Variants in METTL8 observed in about 807,000 individuals in gnomAD.
The protein encoded by METTL8 is methyltransferase 8, tRNA N3-cytidine.
In METTL8, 32 loss-of-function variants were observed where a neutral mutation model predicts 48.7. The ratio of observed to expected loss-of-function variants is 0.66; its 90% CI spans 0.50 to 0.88. METTL8 has a LOEUF of 0.88. METTL8 is among the 40% of genes least tolerant of loss of function. METTL8 has a pLI of 0.00. For missense variants in METTL8, 464 were observed against 474.4 expected (o/e 0.98, Z 0.20); for synonymous variants, 136 against 157.1 (o/e 0.87, Z 1.01).
upstream of METTL8, chr2:171,434,199 C>A: frequency 2.5e-6 from 1 of 397,426 alleles, no homozygotes; most frequent in Non-Finnish European, 5.1e-6. Flanking sequence ...TCGCTCCCCG[C>A]CGCCTGACGG....
At chr2:171,329,997 G>A (rs1298943102) in intron 7 of METTL8, among the ~76,000 whole-genome samples, 1 of 152,178 alleles carries the variant, frequency 6.6e-6, no homozygotes, top group Non-Finnish European at 1.5e-5. Flanking sequence ...TTAAAACACT[G>A]TATGAAACTA....
rs1247994696 is a variant in METTL8 at position 171,316,349 on chromosome 2, A to G, written c.*7823T>C. Among the ~76,000 whole-genome samples, 1 of 152,226 alleles carries G rather than the reference A, an allele frequency of 6.6e-6. No individual in the cohort carries two copies. The highest frequency in any genetic ancestry group is 6.5e-5 in the Admixed American group (1 of 15,288). ...GTCAGGAAATGAGCAGCAGTGCTGAATGGGGAAGCCTGGATCCATGGTTTT... is the reference window on the plus strand; with the variant it reads ...GTCAGGAAATGAGCAGCAGTGCTGAGTGGGGAAGCCTGGATCCATGGTTTT... On this transcript the variant is annotated 3_prime_UTR_variant, in exon 10 of 10. Coordinates refer to ENST00000375258, the MANE Select transcript of METTL8 (RefSeq NM_001321154.2).
At chr2:171,396,042 C>T (rs1238573846) in intron 1 of METTL8, among the ~76,000 whole-genome samples, 5 of 152,114 alleles carry the variant, frequency 3.3e-5, no homozygotes, top group African/African-American at 4.8e-5. Flanking sequence ...GAGTCCGAGG[C>T]GGGCAGATCA....
chr2:171,316,039 T>C lies in METTL8; in HGVS notation c.*8133A>G, dbSNP rs939710370. Among the ~76,000 whole-genome samples, 7 of 152,282 alleles carry C rather than the reference T, an allele frequency of 4.6e-5. No homozygotes were observed. In the South Asian group the frequency reaches 1.5e-3, roughly 32 times the overall value. On this transcript the variant is annotated 3_prime_UTR_variant, in exon 10 of 10. Transcript: ENST00000375258. ...AGGTGAAAAACAGCAAAGAGGTAAT[T>C]CTTTATTCTCGAGAGCTTCCTCGTG...
chr2:171,383,483 C>G (rs370394392), intron 2 of METTL8, among the ~76,000 whole-genome samples: 1 of 152,080 alleles, frequency 6.6e-6, no homozygotes, highest in South Asian at 2.1e-4. Context: ...ATGGTAAAAA[C>G]TGTACTGGAA....
At chr2:171,368,447 C>T (rs1393531658) in intron 2 of METTL8, among the ~76,000 whole-genome samples, 5 of 152,226 alleles carry the variant, frequency 3.3e-5, no homozygotes, top group East Asian at 1.9e-4. Flanking sequence ...AAACAAATTA[C>T]AGTATGTGTT....
chr2:171,399,656 G>A (rs1434035369), intron 1 of METTL8, among the ~76,000 whole-genome samples: 4 of 152,116 alleles, frequency 2.6e-5, no homozygotes, highest in African/African-American at 9.7e-5. Context: ...ACATCTGCCT[G>A]ACCATATCAA....
chr2:171,429,581 G>A (rs758454959), intron 1 of METTL8, among the ~76,000 whole-genome samples: 1 of 151,892 alleles, frequency 6.6e-6, no homozygotes, highest in African/African-American at 2.4e-5. Context: ...GGGTGTTATC[G>A]GTGTATAAAA....
intron 2 of METTL8, among the ~76,000 whole-genome samples, chr2:171,361,198 G>A (rs1028217341): frequency 2.0e-5 from 3 of 150,822 alleles, no homozygotes; most frequent in South Asian, 2.1e-4. Context: ...GAATAGAAGC[G>A]ACAACTGTAT....
chr2:171,344,485 T>G (rs911306186), intron 3 of METTL8, among the ~76,000 whole-genome samples: 1 of 152,200 alleles, frequency 6.6e-6, no homozygotes, highest in African/African-American at 2.4e-5. Flanking sequence ...AATTAAAACC[T>G]CAGTGTGGCT....
chr2:171,333,263 T>C (rs1685740849), intron 5 of METTL8, among the ~76,000 whole-genome samples: 1 of 152,018 alleles, frequency 6.6e-6, no homozygotes, highest in Non-Finnish European at 1.5e-5. Flanking sequence ...CACGGCCGGC[T>C]AATTTTGTAT....
In METTL8 at chr2:171,319,774, CAT is replaced by C. The variant is rs1684439551; in HGVS notation, c.*4396_*4397del. 6.6e-6 allele frequency: 1 copy of C among 152,116 alleles called. No homozygotes were observed. The allele number at this position is 152,116 out of a possible 1,614,324, so 9.4% of individuals were successfully genotyped here. A position where few individuals can be genotyped will look rare whatever the true frequency, so the allele number is the denominator to read the frequency against. ...CTCACAACCTTCGGAAACAGTTCCT[CAT>C]GTGTGAGAATTTTTACATTTGGACG... is the stretch of plus-strand genomic sequence containing the variant. On this transcript the variant is annotated 3_prime_UTR_variant, in exon 10 of 10. Coordinates refer to ENST00000375258, the MANE Select transcript of METTL8 (RefSeq NM_001321154.2).
At chr2:171,371,153 T>C (rs1439920017) in intron 2 of METTL8, among the ~76,000 whole-genome samples, 2 of 152,138 alleles carry the variant, frequency 1.3e-5, no homozygotes, top group African/African-American at 4.8e-5. Context: ...TAAATAAAAA[T>C]GTGAGTCTCA....
Position 171,392,067 on chromosome 2 carries a change from G to A in METTL8, c.119C>T (p.Ala40Val), listed in dbSNP as rs1454373002. Residue 40 changes from alanine (A) to valine (V), a missense_variant, in exon 2 of 10, where the codon GCC becomes GTC. By Grantham distance (64) the Ala-to-Val change is moderately conservative (BLOSUM62 0). Coordinates refer to ENST00000375258, the MANE Select transcript of METTL8 (RefSeq NM_001321154.2). Reference sequence around the variant, plus strand: ...CCACATGTTGTGTTCAAAAACTTTGGCTGGGTCAGTTAAAATCCTTGATCC... The same window carrying A: ...CCACATGTTGTGTTCAAAAACTTTGACTGGGTCAGTTAAAATCCTTGATCC... ...PLGSRILTDPAKVFEHNMWDH... is the reference protein window; with the variant it reads ...PLGSRILTDPVKVFEHNMWDH... The A allele has an allele frequency of 6.4e-7, 1 of 1,551,500 alleles. No homozygotes were observed. The highest frequency in any genetic ancestry group is 2.4e-5 in the East Asian group (1 of 40,916).
chr2:171,321,405 C>T lies in METTL8; in HGVS notation c.*2767G>A, dbSNP rs1684516968. On this transcript the variant is annotated 3_prime_UTR_variant, in exon 10 of 10. Transcript: ENST00000375258. ...TAGCTGGGACAACAGGTGCGTGCCA[C>T]CATCACTGGCTAATTTTTGTATTTT... is the stretch of plus-strand genomic sequence containing the variant. 6.6e-6 allele frequency: 1 copy of T among 152,322 alleles called. No individual in the cohort carries two copies. Among genetic ancestry groups the T allele is most frequent in the Admixed American group, 6.5e-5 (1 of 15,300 alleles). 9.4% of individuals were successfully genotyped at this position (152,322 alleles called of 1,614,324 possible).
chr2:171,353,567 G>T (rs1476989475), intron 3 of METTL8, among the ~76,000 whole-genome samples: 1 of 152,174 alleles, frequency 6.6e-6, no homozygotes, highest in African/African-American at 2.4e-5. Flanking sequence ...TGACAGTGGG[G>T]TGTTAAAGTC....
intron 2 of METTL8, among the ~76,000 whole-genome samples, chr2:171,372,222 T>G (rs1686434742): frequency 1.3e-5 from 2 of 152,042 alleles, no homozygotes; most frequent in Admixed American, 1.3e-4. Context: ...GAATCAGTAT[T>G]AAAGAATACA....
At chr2:171,356,952 A>ATGTTTGTTTTTTTTT in intron 3 of METTL8, among the ~76,000 whole-genome samples, 1 of 78,468 alleles carries the variant, frequency 1.3e-5, no homozygotes, top group Non-Finnish European at 2.4e-5. Context: ...CAAAGACAAT[A>ATGTTTGTTTTTTTTT]TTTTTTTTTT....
Position 171,316,961 on chromosome 2 carries a change from A to G in METTL8, c.*7211T>C, listed in dbSNP as rs193297385. 8.5e-5 allele frequency among the ~76,000 whole-genome samples: 13 copies of G among 152,320 alleles called. No individual in the cohort carries two copies. The highest frequency in any genetic ancestry group is 8.5e-4 in the Admixed American group (13 of 15,304). The stretch of plus-strand genomic sequence containing the variant: ...AGCGATCGCATTCTTTACGCCAAGC[A>G]TTCTGTTTAGCAGGACTGCCTCAGG... On this transcript the variant is annotated 3_prime_UTR_variant, in exon 10 of 10. Transcript: ENST00000375258.
Sources: allele counts gnomAD v4.1 joint callset (sites outside exome capture counted in the v4.1 genomes callset), GRCh38; gene constraint gnomAD v4.1.1; transcripts MANE v1.5; gene names NCBI Gene and HGNC (gene_info 2026-07-23, HGNC 2026-07-21).